Variants in PABPC4L observed in about 807,000 individuals in gnomAD.
PABPC4L encodes poly(A) binding protein cytoplasmic 4 like.
For missense variants in PABPC4L, 452 were observed against 451.4 expected, an observed-to-expected ratio of 1.00 and a Z score of -0.01; for synonymous variants, 169 against 164.1, an observed-to-expected ratio of 1.03 and a Z score of -0.23.
chr4:134,015,041 TC>T, the PABPC4L span, among the ~76,000 whole-genome samples: 1 of 151,786 alleles, frequency 6.6e-6, no homozygotes, highest in Non-Finnish European at 1.5e-5. Flanking sequence ...TCCTCTTTTA[TC>T]CCCCCACCTT....
At chr4:134,014,434 A>T in the PABPC4L span, among the ~76,000 whole-genome samples, 510 of 152,290 alleles carry the variant, frequency 3.3e-3, 5 homozygotes, top group African/African-American at 0.012. Flanking sequence ...TGCCTCCCCC[A>T]GGAACTTGCT....
chr4:134,041,429 G>T, the PABPC4L span, among the ~76,000 whole-genome samples: 1 of 152,028 alleles, frequency 6.6e-6, no homozygotes, highest in Non-Finnish European at 1.5e-5. Flanking sequence ...CCTTTGCAGG[G>T]ACATGGATGA....
the PABPC4L span, among the ~76,000 whole-genome samples, chr4:134,069,735 C>T: frequency 2.6e-5 from 4 of 152,022 alleles, no homozygotes; most frequent in African/African-American, 9.7e-5. Flanking sequence ...TATTACATTC[C>T]TTAAAATCCT....
chr4:134,193,596 C>G (rs2126194920), downstream of PABPC4L, among the ~76,000 whole-genome samples: 1 of 151,926 alleles, frequency 6.6e-6, no homozygotes, highest in South Asian at 2.1e-4. Context: ...TTACATATTT[C>G]AATTTGGCTC....
chr4:134,029,608 A>T, the PABPC4L span, among the ~76,000 whole-genome samples: 1 of 151,946 alleles, frequency 6.6e-6, no homozygotes, highest in South Asian at 2.1e-4. Context: ...ATTTAATAAT[A>T]TAAAATTCAT....
the PABPC4L span, among the ~76,000 whole-genome samples, chr4:134,135,016 C>T: frequency 6.6e-6 from 1 of 151,614 alleles, no homozygotes; most frequent in Admixed American, 6.6e-5. Context: ...GAACACCATC[C>T]AGAAAGCAAC....
At chr4:134,105,690 G>A in the PABPC4L span, among the ~76,000 whole-genome samples, 6 of 151,610 alleles carry the variant, frequency 4.0e-5, no homozygotes, top group Admixed American at 6.6e-5. Context: ...CATCACTAGC[G>A]AAGTACAGAG....
At chr4:133,964,507 C>A in the PABPC4L span, among the ~76,000 whole-genome samples, 933 of 152,004 alleles carry the variant, frequency 6.1e-3, 12 homozygotes, top group African/African-American at 0.021. Flanking sequence ...TAGGAAAGGA[C>A]ATAACCAAAA....
At chr4:134,039,870 T>C in the PABPC4L span, among the ~76,000 whole-genome samples, 7 of 152,006 alleles carry the variant, frequency 4.6e-5, no homozygotes, top group Admixed American at 1.3e-4. Context: ...CAGCAAAGTC[T>C]CAGGATACAA....
the PABPC4L span, among the ~76,000 whole-genome samples, chr4:134,071,900 T>C: frequency 1.3e-5 from 2 of 152,114 alleles, no homozygotes; most frequent in Admixed American, 6.6e-5. Context: ...GACAGGAGTA[T>C]AGAAAAAGTG....
the PABPC4L span, among the ~76,000 whole-genome samples, chr4:134,018,729 A>G: frequency 3.9e-5 from 6 of 152,254 alleles, no homozygotes; most frequent in Admixed American, 2.0e-4. Context: ...ATTGGTGATC[A>G]TATACAACAA....
At chr4:133,949,236 A>G in the PABPC4L span, among the ~76,000 whole-genome samples, 2 of 152,328 alleles carry the variant, frequency 1.3e-5, no homozygotes, top group African/African-American at 2.4e-5. Flanking sequence ...GCTTTCCCCA[A>G]TAGCAGCCCA....
chr4:134,157,539 T>C, the PABPC4L span, among the ~76,000 whole-genome samples: 1 of 151,822 alleles, frequency 6.6e-6, no homozygotes, highest in Non-Finnish European at 1.5e-5. Flanking sequence ...AGTTGGTGTT[T>C]AAAGAAAGTC....
chr4:134,059,593 A>G, the PABPC4L span, among the ~76,000 whole-genome samples: 1 of 151,484 alleles, frequency 6.6e-6, no homozygotes, highest in African/African-American at 2.4e-5. Flanking sequence ...CTGATGAAAT[A>G]TGAACAAGAT....
chr4:134,021,874 C>T, the PABPC4L span, among the ~76,000 whole-genome samples: 1 of 151,932 alleles, frequency 6.6e-6, no homozygotes, highest in African/African-American at 2.4e-5. Flanking sequence ...ACACCATTTC[C>T]TCATTAGTTA....
At chr4:134,076,565 A>G in the PABPC4L span, among the ~76,000 whole-genome samples, 1 of 152,128 alleles carries the variant, frequency 6.6e-6, no homozygotes, top group Admixed American at 6.6e-5. Flanking sequence ...GTAGGTTTTG[A>G]TATAAGCAAA....
At chr4:134,128,328 T>C in the PABPC4L span, among the ~76,000 whole-genome samples, 1 of 152,148 alleles carries the variant, frequency 6.6e-6, no homozygotes, top group African/African-American at 2.4e-5. Context: ...TGGAAATTCA[T>C]GGCAAAAAGA....
the PABPC4L span, among the ~76,000 whole-genome samples, chr4:133,962,556 T>C: frequency 5.3e-5 from 8 of 152,290 alleles, no homozygotes; most frequent in Non-Finnish European, 7.4e-5. Context: ...AGGCAAGTTA[T>C]TTGAATTAAC....
the PABPC4L span, among the ~76,000 whole-genome samples, chr4:134,117,121 A>G: frequency 6.6e-6 from 1 of 151,376 alleles, no homozygotes; most frequent in Non-Finnish European, 1.5e-5. Context: ...TTGCATTTTC[A>G]AACTATAGCC....
Sources: allele counts gnomAD v4.1 joint callset (sites outside exome capture counted in the v4.1 genomes callset), GRCh38; gene constraint gnomAD v4.1.1; transcripts MANE v1.5; gene names NCBI Gene and HGNC (gene_info 2026-07-23, HGNC 2026-07-21).